Variants in ZPBP observed in about 807,000 individuals in gnomAD.
ZPBP encodes the protein zona pellucida binding protein.
Under a neutral mutation model 44.8 loss-of-function variants are expected in ZPBP, and 26 were observed. That is an observed-to-expected ratio of 0.58 (90% CI 0.43 to 0.81). The LOEUF is 0.81. ZPBP is among the 30% of genes least tolerant of loss of function. ZPBP has a pLI of 0.00. For synonymous variants in ZPBP, 174 were observed against 153.2 expected, an observed-to-expected ratio of 1.14 and a Z score of -1.00; for missense variants, 409 against 434.0, an observed-to-expected ratio of 0.94 and a Z score of 0.51.
At chr7:50,011,337 T>C (rs1197086747) in intron 6 of ZPBP, among the ~76,000 whole-genome samples, 3 of 151,896 alleles carry the variant, frequency 2.0e-5, no homozygotes, top group Admixed American at 6.5e-5. Context: ...CAAAAGCAAA[T>C]GCAACAAAAA....
chr7:50,032,238 G>A (rs1246755103), intron 4 of ZPBP, among the ~76,000 whole-genome samples: 2 of 152,192 alleles, frequency 1.3e-5, no homozygotes, highest in South Asian at 2.1e-4. Flanking sequence ...ATCCATCAGC[G>A]TAGGTACACA....
chr7:50,067,929 C>A (rs1801609586), intron 3 of ZPBP, among the ~76,000 whole-genome samples: 1 of 152,106 alleles, frequency 6.6e-6, no homozygotes, highest in Non-Finnish European at 1.5e-5. Context: ...CTAAGGACTT[C>A]TAATTTAGTA....
intron 5 of ZPBP, among the ~76,000 whole-genome samples, chr7:50,019,707 T>C (rs1317219973): frequency 6.6e-6 from 1 of 152,062 alleles, no homozygotes; most frequent in African/African-American, 2.4e-5. Flanking sequence ...CCCAAACCCA[T>C]ACATGGTGTG....
At chr7:50,007,439 T>A (rs913717932) in intron 6 of ZPBP, among the ~76,000 whole-genome samples, 4 of 152,012 alleles carry the variant, frequency 2.6e-5, no homozygotes. Flanking sequence ...GATGGCTTTA[T>A]CGGTAACAAT....
At chr7:50,021,702 G>A (rs149677673) in intron 5 of ZPBP, among the ~76,000 whole-genome samples, 24 of 152,156 alleles carry the variant, frequency 1.6e-4, no homozygotes, top group African/African-American at 5.5e-4. Flanking sequence ...CCCACACTGA[G>A]ACAAATTATA....
At position 49,993,472 on chromosome 7, in the gene ZPBP, C is replaced by T. The variant is rs192322441; in HGVS notation, c.784-9953G>A. On this transcript the variant is annotated intron_variant, in intron 6 of 7. Coordinates refer to ENST00000046087, the MANE Select transcript of ZPBP (RefSeq NM_007009.3). ...TTGAAACATTCCAATTAAAATGAAC[C>T]GATTGGCAACTGGATTGAAAAGCAG... Among the ~76,000 whole-genome samples, 17 of 151,998 alleles carry T rather than the reference C, an allele frequency of 1.1e-4. No individual in the cohort carries two copies. The East Asian group carries it at 2.9e-3, about 26-fold the overall frequency.
chr7:50,010,732 C>T (rs1300638293), intron 6 of ZPBP, among the ~76,000 whole-genome samples: 16 of 152,140 alleles, frequency 1.1e-4, no homozygotes, highest in South Asian at 4.1e-4. Context: ...CACATCCACG[C>T]TCATGGATGA....
chr7:49,937,334 G>A (rs1794655019), downstream of ZPBP: 1 of 537,408 alleles, frequency 1.9e-6, no homozygotes, highest in Non-Finnish European at 3.3e-6. Context: ...AGAATCATAT[G>A]TAGGTTTGGC....
chr7:49,992,724 A>G (rs1797626746), intron 6 of ZPBP, among the ~76,000 whole-genome samples: 2 of 152,210 alleles, frequency 1.3e-5, no homozygotes, highest in South Asian at 4.1e-4. Context: ...ACAGAAAAGC[A>G]AATGTAGAAA....
At position 49,894,287 on chromosome 7, in the gene ZPBP, G is replaced by A. The variant is rs572626402; in HGVS notation, n.509+6831C>T. Among the ~76,000 whole-genome samples the A allele has an allele frequency of 3.3e-5, 5 of 152,284 alleles. No individual in the cohort carries two copies. The East Asian group carries it at 9.7e-4, about 29-fold the overall frequency. On this transcript the variant is annotated intron_variant and non_coding_transcript_variant, in intron 2 of 2. Transcript: ENST00000465922. Reference sequence around the variant, plus strand: ...CCCTCCCACCTCAGCCTCCTGAATAGCTGGGATTATAGATAGCACCGCCAT... The same window carrying A: ...CCCTCCCACCTCAGCCTCCTGAATAACTGGGATTATAGATAGCACCGCCAT...
chr7:50,068,442 T>TTTC (rs1279400528), intron 3 of ZPBP, among the ~76,000 whole-genome samples: 1 of 152,070 alleles, frequency 6.6e-6, no homozygotes, highest in African/African-American at 2.4e-5. Context: ...TTTTTTTTTT[T>TTTC]TTCATACTAT....
chr7:49,919,884 T>A (rs1226229022), intron 1 of ZPBP: 1 of 152,206 alleles, frequency 6.6e-6, no homozygotes, highest in East Asian at 1.9e-4. Flanking sequence ...ACAAAAATCA[T>A]TATGTTCTAT....
chr7:49,888,197 C>T (rs1484174285), intron 2 of ZPBP, among the ~76,000 whole-genome samples: 2 of 152,180 alleles, frequency 1.3e-5, no homozygotes, highest in African/African-American at 4.8e-5. Flanking sequence ...TTTCTGACAG[C>T]CAGTTAAATA....
chr7:50,072,295 G>A (rs973767070), intron 3 of ZPBP, among the ~76,000 whole-genome samples: 1 of 152,208 alleles, frequency 6.6e-6, no homozygotes, highest in Non-Finnish European at 1.5e-5. Context: ...AGAATGGGAA[G>A]GAGTGTGTCT....
intron 2 of ZPBP, among the ~76,000 whole-genome samples, chr7:49,880,287 TTAATA>T (rs1322219483): frequency 6.6e-6 from 1 of 152,178 alleles, no homozygotes; most frequent in African/African-American, 2.4e-5. Context: ...CTTGCATTTC[TTAATA>T]TATCATTTTG....
intron 3 of ZPBP, among the ~76,000 whole-genome samples, chr7:50,079,315 G>T (rs995610605): frequency 6.6e-6 from 1 of 151,522 alleles, no homozygotes. Context: ...TGGAGAAAGT[G>T]GCTGTAATTA....
At chr7:49,997,053 A>G (rs1328635288) in intron 6 of ZPBP, among the ~76,000 whole-genome samples, 1 of 152,214 alleles carries the variant, frequency 6.6e-6, no homozygotes, top group Non-Finnish European at 1.5e-5. Context: ...TTCTTCAAGG[A>G]TGCTGGGCTC....
At chr7:50,017,305 C>T (rs1255628183) in intron 6 of ZPBP, among the ~76,000 whole-genome samples, 7 of 152,094 alleles carry the variant, frequency 4.6e-5, no homozygotes, top group Non-Finnish European at 8.8e-5. Flanking sequence ...AGCATTTGCA[C>T]TCCCATAAGA....
intron 7 of ZPBP, among the ~76,000 whole-genome samples, chr7:49,947,906 T>G (rs1384638): frequency 0.78 from 118,345 of 152,168 alleles, 46,198 homozygotes; most frequent in East Asian, 0.89. Flanking sequence ...CACCAAAGCT[T>G]CAAGACAAAG....
Sources: gnomAD v4.1 joint callset for allele counts (sites outside exome capture counted in the v4.1 genomes callset) on GRCh38, gnomAD v4.1.1 for gene constraint, MANE v1.5 for transcripts, NCBI Gene and HGNC (gene_info 2026-07-23, HGNC 2026-07-21) for gene names.